Variants in LARP1B observed in about 807,000 individuals in gnomAD.
The protein encoded by LARP1B is La ribonucleoprotein 1B.
A neutral mutation model predicts 114.2 loss-of-function variants in LARP1B; 76 were observed. The ratio of observed to expected loss-of-function variants is 0.67; its 90% CI spans 0.55 to 0.81. The LOEUF (loss-of-function observed/expected upper bound fraction) is 0.81, where lower values mean the gene tolerates loss of function less well. Among genes scored for constraint, LARP1B ranks in the 30% least tolerant of loss-of-function variants. The probability of loss-of-function intolerance (pLI) is 0.00; values close to 1 mark genes in which losing one functional copy is unlikely to be tolerated. For synonymous variants in LARP1B, 345 were observed against 348.0 expected (o/e 0.99, Z 0.10); for missense variants, 1,014 against 1,075.8 (o/e 0.94, Z 0.80).
At chr4:128,179,996 TA>T (rs1367813391) in intron 15 of LARP1B, among the ~76,000 whole-genome samples, 1 of 152,108 alleles carries the variant, frequency 6.6e-6, no homozygotes, top group Non-Finnish European at 1.5e-5. Flanking sequence ...GAAAATTAAT[TA>T]AAAAAAGAAG....
At chr4:128,074,848 C>T (rs1767171718) in intron 2 of LARP1B, 86 bp from the exon 3 acceptor site, 1 of 904,868 alleles carries the variant, frequency 1.1e-6, no homozygotes. Flanking sequence ...TTATTTAAAA[C>T]TCCTTTCACT....
chr4:128,132,461 G>A (rs527625132), intron 11 of LARP1B, among the ~76,000 whole-genome samples: 1 of 152,178 alleles, frequency 6.6e-6, no homozygotes, highest in African/African-American at 2.4e-5. Context: ...GGCCAGGCTG[G>A]TCTCAAACTC....
intron 12 of LARP1B, among the ~76,000 whole-genome samples, chr4:128,166,932 CT>C (rs1693066742): frequency 9.5e-5 from 3 of 31,610 alleles, no homozygotes; most frequent in African/African-American, 3.5e-4. Context: ...ATATTCTATT[CT>C]CTCTCTCTCT....
chr4:128,193,341 C>T (rs1025161275), intron 15 of LARP1B, among the ~76,000 whole-genome samples: 19 of 152,192 alleles, frequency 1.2e-4, no homozygotes, highest in Admixed American at 1.0e-3. Flanking sequence ...TTAGTAGGTT[C>T]GTAATAGATA....
chr4:128,138,951 A>G (rs1268818611), intron 11 of LARP1B, among the ~76,000 whole-genome samples: 1 of 152,064 alleles, frequency 6.6e-6, no homozygotes, highest in Non-Finnish European at 1.5e-5. Context: ...GAGACTCTCA[A>G]AAAATAATAA....
intron 11 of LARP1B, among the ~76,000 whole-genome samples, chr4:128,152,525 T>A (rs1454055096): frequency 2.0e-5 from 3 of 151,920 alleles, no homozygotes; most frequent in South Asian, 2.1e-4. Context: ...TTATTTATTT[T>A]TTATTTTTTT....
intron 8 of LARP1B, among the ~76,000 whole-genome samples, chr4:128,104,300 G>A (rs1781335798): frequency 6.6e-6 from 1 of 152,004 alleles, no homozygotes; most frequent in East Asian, 1.9e-4. Context: ...CACATAAATG[G>A]TGTTATGACT....
At chr4:128,163,003 T>G (rs540413183) in intron 12 of LARP1B, among the ~76,000 whole-genome samples, 1 of 152,300 alleles carries the variant, frequency 6.6e-6, no homozygotes, top group Admixed American at 6.5e-5. Flanking sequence ...GCTATATCTT[T>G]TAACACATAA....
At chr4:128,142,831 A>G (rs982550580) in intron 11 of LARP1B, among the ~76,000 whole-genome samples, 24 of 152,116 alleles carry the variant, frequency 1.6e-4, no homozygotes, top group African/African-American at 5.3e-4. Flanking sequence ...TCAAAATACA[A>G]AATTCTTTTA....
At chr4:128,093,032 G>A (rs1260359259) in intron 7 of LARP1B, 2 of 985,248 alleles carry the variant, frequency 2.0e-6, no homozygotes, top group Non-Finnish European at 2.4e-6. Flanking sequence ...AGCCTCTAAG[G>A]TAGGACTTGA....
At chr4:128,104,357 A>G (rs1261794195) in intron 8 of LARP1B, among the ~76,000 whole-genome samples, 1 of 152,094 alleles carries the variant, frequency 6.6e-6, no homozygotes, top group Non-Finnish European at 1.5e-5. Context: ...AGATTTATTC[A>G]TATTGGTGTA....
intron 15 of LARP1B, among the ~76,000 whole-genome samples, 156 bp from the exon 16 acceptor site, chr4:128,199,283 A>G (rs539738977): frequency 6.6e-6 from 1 of 152,364 alleles, no homozygotes; most frequent in South Asian, 2.1e-4. Context: ...ATAGCACTAT[A>G]TGCAGATCTG....
At chr4:128,166,702 A>AT (rs1740979725) in intron 12 of LARP1B, among the ~76,000 whole-genome samples, 2 of 151,028 alleles carry the variant, frequency 1.3e-5, no homozygotes, top group Admixed American at 6.6e-5. Context: ...GCAACTTGGT[A>AT]TTTTTTTACC....
chr4:128,164,031 A>G (rs1453862776), intron 12 of LARP1B, among the ~76,000 whole-genome samples: 1 of 152,000 alleles, frequency 6.6e-6, no homozygotes, highest in African/African-American at 2.4e-5. Context: ...ATTCATGTTG[A>G]TATTTTCTGT....
At chr4:128,166,993 T>TAC (rs1554050281) in intron 12 of LARP1B, among the ~76,000 whole-genome samples, 2,874 of 138,174 alleles carry the variant, frequency 0.021, 88 homozygotes, top group African/African-American at 0.064. Flanking sequence ...TATATATATA[T>TAC]ACACACACAC....
At chr4:128,172,936 A>AGTGTGTGTGTGTGT (rs1452279399) in intron 12 of LARP1B, among the ~76,000 whole-genome samples, 3 of 79,208 alleles carry the variant, frequency 3.8e-5, no homozygotes, top group African/African-American at 2.2e-4. Context: ...AATCCCATCC[A>AGTGTGTGTGTGTGT]ATGTGTGTGT....
intron 8 of LARP1B, among the ~76,000 whole-genome samples, chr4:128,098,769 T>TATATATATATATATATG (rs1561201033): frequency 6.2e-4 from 9 of 14,434 alleles, no homozygotes; most frequent in African/African-American, 2.4e-3. Flanking sequence ...ATATATATAT[T>TATATATATATATATATG]TTTTTTTTTT....
intron 15 of LARP1B, among the ~76,000 whole-genome samples, chr4:128,192,828 C>T (rs1393272454): frequency 2.0e-5 from 3 of 151,138 alleles, no homozygotes; most frequent in Non-Finnish European, 4.4e-5. Context: ...CTGTTTGTTT[C>T]TTTGTTTTTT....
At chr4:128,222,444 G>T (rs1190951176) in exon 8 of LARP1B, 3 of 447,866 alleles carry the variant, frequency 6.7e-6, no homozygotes, top group Non-Finnish European at 1.4e-5. Context: ...TGGGCTCAGT[G>T]ACACTCCAGT....
Sources: allele counts gnomAD v4.1 joint callset (sites outside exome capture counted in the v4.1 genomes callset), GRCh38; gene constraint gnomAD v4.1.1; transcripts MANE v1.5; gene names NCBI Gene and HGNC (gene_info 2026-07-23, HGNC 2026-07-21).